The following RBL1 variants were observed in gnomAD, a reference collection of about 807,000 sequenced individuals.
The protein encoded by RBL1 is RB transcriptional corepressor like 1, also known as retinoblastoma-like protein 1.
Under a neutral mutation model 123.0 loss-of-function variants are expected in RBL1, and 82 were observed. The observed-to-expected ratio is 0.67, with a 90% CI of 0.56 to 0.80. The LOEUF (loss-of-function observed/expected upper bound fraction) is 0.80, where lower values mean the gene tolerates loss of function less well. Among genes scored for constraint, RBL1 ranks in the 30% least tolerant of loss-of-function variants. The pLI, the probability that RBL1 is intolerant of heterozygous loss-of-function variation, is 0.00. For synonymous variants in RBL1, 405 were observed against 441.3 expected, an observed-to-expected ratio of 0.92 and a Z score of 1.03; for missense variants, 1,171 against 1,299.6, an observed-to-expected ratio of 0.90 and a Z score of 1.52.
intron 17 of RBL1, among the ~76,000 whole-genome samples, chr20:37,022,405 C>T (rs2064355257): frequency 6.6e-6 from 1 of 152,178 alleles, no homozygotes; most frequent in African/African-American, 2.4e-5. Flanking sequence ...CGGCTCACTG[C>T]AGCCTTGGCC....
chr20:37,037,173 G>A (rs1257220395), intron 14 of RBL1, among the ~76,000 whole-genome samples: 1 of 152,118 alleles, frequency 6.6e-6, no homozygotes, highest in African/African-American at 2.4e-5. Flanking sequence ...AGAAATCCAC[G>A]CAAGCCCTTG....
intron 13 of RBL1, 100 bp from the exon 14 acceptor site, chr20:37,040,385 T>C (rs2064702709): frequency 6.8e-7 from 1 of 1,471,608 alleles, no homozygotes; most frequent in Non-Finnish European, 9.0e-7. Flanking sequence ...AAAGTCTCAT[T>C]CTGTTGCCCA....
chr20:37,093,469 T>C (rs948303561), intron 1 of RBL1, among the ~76,000 whole-genome samples: 2 of 151,584 alleles, frequency 1.3e-5, no homozygotes, highest in African/African-American at 4.8e-5. Context: ...TCAGATACTA[T>C]CTCCACAAAA....
In RBL1 at chr20:37,013,403, A is replaced by G. The variant is rs971511094; in HGVS notation, c.2722+4876T>C. On this transcript the variant is annotated intron_variant, in intron 19 of 21. Coordinates refer to ENST00000373664, the MANE Select transcript of RBL1 (RefSeq NM_002895.5). ...TGCTTGAAGGCAGCATGCTCGTTAAAAGTCATCACCACTCCCTAATCTCAA... is the reference window on the plus strand; with the variant it reads ...TGCTTGAAGGCAGCATGCTCGTTAAGAGTCATCACCACTCCCTAATCTCAA... Among the ~76,000 whole-genome samples the G allele has an allele frequency of 5.3e-4, 80 of 150,966 alleles. 1 individual carries two copies. Among genetic ancestry groups the G allele is most frequent in the African/African-American group, 1.3e-3 (52 of 41,008 alleles).
intron 2 of RBL1, among the ~76,000 whole-genome samples, chr20:37,076,155 C>T (rs576428655): frequency 7.9e-5 from 12 of 152,220 alleles, no homozygotes; most frequent in Non-Finnish European, 1.5e-4. Context: ...CAAATGATGT[C>T]ATACTACAAC....
intron 2 of RBL1, among the ~76,000 whole-genome samples, chr20:37,069,294 C>T (rs1393276446): frequency 1.3e-5 from 2 of 151,486 alleles, no homozygotes; most frequent in Non-Finnish European, 2.9e-5. Flanking sequence ...TCTGCCTGGC[C>T]GCCCATCGTC....
intron 11 of RBL1, among the ~76,000 whole-genome samples, chr20:37,050,704 C>T (rs1347842682): frequency 6.6e-6 from 1 of 151,072 alleles, no homozygotes; most frequent in Non-Finnish European, 1.5e-5. Context: ...TAAGAAATAA[C>T]AAAATAAAAC....
At chr20:37,018,453 A>G in intron 18 of RBL1, 84 bp from the exon 19 acceptor site, 3 of 1,476,668 alleles carry the variant, frequency 2.0e-6, no homozygotes, top group Non-Finnish European at 2.7e-6. Flanking sequence ...GCAAAATATC[A>G]AACCAATTAA....
chr20:37,040,395 A>T, intron 13 of RBL1, 110 bp from the exon 14 acceptor site: 1 of 1,436,588 alleles, frequency 7.0e-7, no homozygotes, highest in Non-Finnish European at 9.1e-7. Context: ...TCTGTTGCCC[A>T]GGCTGGAATG....
intron 19 of RBL1, among the ~76,000 whole-genome samples, chr20:37,014,725 CT>C: frequency 6.6e-6 from 1 of 151,748 alleles, no homozygotes; most frequent in South Asian, 2.1e-4. Context: ...GACTGTGCCA[CT>C]GTACTCCAGC....
At chr20:37,023,478 G>A (rs989113219) in intron 16 of RBL1, among the ~76,000 whole-genome samples, 3 of 152,064 alleles carry the variant, frequency 2.0e-5, no homozygotes, top group Non-Finnish European at 2.9e-5. Flanking sequence ...TTGGGTTCAG[G>A]TAAAATTGCT....
chr20:37,018,262 TA>T lies in RBL1; in HGVS notation c.2722+16del. 6.3e-7 allele frequency: 1 copy of T among 1,597,914 alleles called. No individual in the cohort carries two copies. Among genetic ancestry groups the T allele is most frequent in the Non-Finnish European group, 8.5e-7 (1 of 1,173,068 alleles). On this transcript the variant is annotated intron_variant, in intron 19 of 21. Coordinates refer to ENST00000373664, the MANE Select transcript of RBL1 (RefSeq NM_002895.5). ...CCAATGTGTTTTACATATAATATGT[TA>T]AATTGGATAACTTACCACAATCTAT...
At chr20:37,087,166 C>A (rs2146333664) in intron 2 of RBL1, among the ~76,000 whole-genome samples, 1 of 152,258 alleles carries the variant, frequency 6.6e-6, no homozygotes, top group East Asian at 1.9e-4. Context: ...GAATCCACAT[C>A]TCTACGAAAA....
At chr20:37,086,315 G>A (rs769365633) in intron 2 of RBL1, among the ~76,000 whole-genome samples, 2 of 151,852 alleles carry the variant, frequency 1.3e-5, no homozygotes, top group Non-Finnish European at 2.9e-5. Flanking sequence ...GGCTGGACAC[G>A]GTGGCTTACG....
At position 37,061,261 on chromosome 20, in the gene RBL1, T is replaced by C; in HGVS notation, c.1092A>G (p.Ser364=). The part of the protein sequence containing the change: ...NLQQHFEKKR[S]FAPSTPLTGR... Reference sequence around the variant, plus strand: ...CGGTCAGTGGGGTAGAAGGTGCAAATGACCTTTTCTGTCAGAAAAGAAAAA... The same window carrying C: ...CGGTCAGTGGGGTAGAAGGTGCAAACGACCTTTTCTGTCAGAAAAGAAAAA... Residue 364 remains serine (S), a synonymous_variant, in exon 9 of 22, where the codon TCA becomes TCG. Transcript: ENST00000373664. 1 of 1,606,300 alleles carries C rather than the reference T, an allele frequency of 6.2e-7. No homozygotes were observed. Among genetic ancestry groups the C allele is most frequent in the South Asian group, 1.1e-5 (1 of 89,528 alleles).
chr20:37,077,186 C>G (rs113443769), intron 2 of RBL1, among the ~76,000 whole-genome samples: 1,879 of 152,272 alleles, frequency 0.012, 43 homozygotes, highest in African/African-American at 0.043. Context: ...TCTGCCCCAC[C>G]TTGGCCTCCC....
At chr20:37,069,671 T>C (rs950485895) in intron 2 of RBL1, among the ~76,000 whole-genome samples, 4 of 137,346 alleles carry the variant, frequency 2.9e-5, no homozygotes, top group East Asian at 2.3e-4. Context: ...GTGAGGAGCC[T>C]CTCCGCCCGA....
chr20:37,054,918 C>T (rs1213008261), intron 11 of RBL1, among the ~76,000 whole-genome samples: 1 of 151,948 alleles, frequency 6.6e-6, no homozygotes, highest in African/African-American at 2.4e-5. Flanking sequence ...AAGAAAGACA[C>T]AGAAAAGAGA....
chr20:37,093,866 C>A (rs1485780605), intron 1 of RBL1, among the ~76,000 whole-genome samples: 1 of 151,952 alleles, frequency 6.6e-6, no homozygotes, highest in African/African-American at 2.4e-5. Context: ...GTCTTGGACC[C>A]CTGACCTAAG....
Sources: allele counts gnomAD v4.1 joint callset (sites outside exome capture counted in the v4.1 genomes callset), GRCh38; gene constraint gnomAD v4.1.1; transcripts MANE v1.5; gene names NCBI Gene and HGNC (gene_info 2026-07-23, HGNC 2026-07-21).